HCN1: variants seen among roughly 807,000 people sequenced by gnomAD.
HCN1 encodes potassium/sodium hyperpolarization-activated cyclic nucleotide-gated channel 1.
Under a neutral mutation model 78.9 loss-of-function variants are expected in HCN1, and 13 were observed. That is an observed-to-expected ratio of 0.16 (90% CI 0.11 to 0.26). HCN1 has a LOEUF of 0.26. Among genes scored for constraint, HCN1 ranks in the 10% least tolerant of loss-of-function variants. The pLI is 1.00. For synonymous variants in HCN1, 552 were observed against 455.5 expected (o/e 1.21, Z -2.70); for missense variants, 810 against 1,154.3 (o/e 0.70, Z 4.32).
chr5:45,587,370 C>G (rs1371495117), intron 2 of HCN1, among the ~76,000 whole-genome samples: 3 of 151,914 alleles, frequency 2.0e-5, no homozygotes, highest in African/African-American at 7.3e-5. Context: ...TATGCAGCCA[C>G]AAAAAAGGAT....
intron 1 of HCN1, among the ~76,000 whole-genome samples, chr5:45,659,553 T>A (rs1284529849): frequency 2.1e-5 from 3 of 144,348 alleles, no homozygotes; most frequent in African/African-American, 8.0e-5. Context: ...TTGAAAACTT[T>A]GAAAAAAAAT....
intron 2 of HCN1, among the ~76,000 whole-genome samples, chr5:45,517,401 T>C (rs1742533721): frequency 6.6e-6 from 1 of 151,324 alleles, no homozygotes; most frequent in African/African-American, 2.4e-5. Context: ...TATGCATGTA[T>C]AAATATTCAT....
chr5:45,335,190 C>T (rs927275404), intron 5 of HCN1, among the ~76,000 whole-genome samples: 1 of 151,918 alleles, frequency 6.6e-6, no homozygotes, highest in Non-Finnish European at 1.5e-5. Context: ...AGGGCATTAA[C>T]CTCTTTCTTG....
chr5:45,424,456 A>T lies in HCN1; in HGVS notation c.1012-27746T>A, dbSNP rs1049066819. ...TTTCTGCAGAAAATAAGAAGATTAA[A>T]TTTATTTTTTGAGTCAGGTTACATA... On this transcript the variant is annotated intron_variant, in intron 3 of 7. Transcript: ENST00000303230. Among the ~76,000 whole-genome samples the T allele has an allele frequency of 4.6e-5, 7 of 152,178 alleles. No individual in the cohort carries two copies. In the East Asian group the frequency reaches 1.3e-3, roughly 29 times the overall value.
At position 45,261,823 on chromosome 5, in the gene HCN1, T is replaced by C. The variant is rs978193856; in HGVS notation, c.*98A>G. 1.4e-5 allele frequency: 21 copies of C among 1,455,138 alleles called. No homozygotes were observed. In the African/African-American group the frequency reaches 2.9e-4, roughly 20 times the overall value. 90.1% of individuals were successfully genotyped at this position (1,455,138 alleles called of 1,614,324 possible). On this transcript the variant is annotated 3_prime_UTR_variant, in exon 8 of 8. Coordinates refer to ENST00000303230, the MANE Select transcript of HCN1 (RefSeq NM_021072.4). ...AGCTGTCTAAAATATCTCTTCATAGTAGGCTAGAGGGATCTATCAGGAGAT... is the reference window on the plus strand; with the variant it reads ...AGCTGTCTAAAATATCTCTTCATAGCAGGCTAGAGGGATCTATCAGGAGAT...
intron 5 of HCN1, among the ~76,000 whole-genome samples, chr5:45,320,044 C>G (rs1198479591): frequency 6.6e-6 from 1 of 151,802 alleles, no homozygotes; most frequent in Non-Finnish European, 1.5e-5. Flanking sequence ...CACCATTACA[C>G]AAATGAATCA....
intron 2 of HCN1, among the ~76,000 whole-genome samples, chr5:45,573,091 C>T (rs1190224747): frequency 2.6e-5 from 4 of 152,048 alleles, no homozygotes; most frequent in African/African-American, 4.8e-5. Flanking sequence ...TAGAAACTTA[C>T]TTGTTTTAAG....
intron 3 of HCN1, among the ~76,000 whole-genome samples, chr5:45,450,307 T>C (rs182270388): frequency 1.4e-3 from 217 of 152,372 alleles, no homozygotes; most frequent in African/African-American, 5.1e-3. Context: ...CCCAATCATC[T>C]GGACCTTAAT....
At chr5:45,373,262 T>C (rs1363606949) in intron 4 of HCN1, among the ~76,000 whole-genome samples, 1 of 116,492 alleles carries the variant, frequency 8.6e-6, no homozygotes, top group Non-Finnish European at 1.6e-5. Context: ...TTTTATATTA[T>C]ATATTATATA....
intron 2 of HCN1, among the ~76,000 whole-genome samples, chr5:45,550,880 C>A (rs561278729): frequency 6.6e-6 from 1 of 151,918 alleles, no homozygotes; most frequent in Non-Finnish European, 1.5e-5. Context: ...TTAAAGTTTT[C>A]TTTAATGTAG....
chr5:45,402,023 T>G (rs907794054), intron 3 of HCN1, among the ~76,000 whole-genome samples: 1 of 152,060 alleles, frequency 6.6e-6, no homozygotes, highest in Non-Finnish European at 1.5e-5. Flanking sequence ...CGAAGTTTGA[T>G]GGGGAGTAGG....
At chr5:45,489,058 G>A (rs1342808484) in intron 2 of HCN1, among the ~76,000 whole-genome samples, 1 of 152,146 alleles carries the variant, frequency 6.6e-6, no homozygotes, top group Non-Finnish European at 1.5e-5. Context: ...GACAGGTAAG[G>A]CCTCAAGAAA....
intron 3 of HCN1, among the ~76,000 whole-genome samples, chr5:45,399,113 C>A (rs533458552): frequency 6.6e-6 from 1 of 152,338 alleles, no homozygotes; most frequent in East Asian, 1.9e-4. Context: ...TGGGTGTTCT[C>A]CCTGCCTGCA....
At chr5:45,515,892 T>C (rs1343891721) in intron 2 of HCN1, among the ~76,000 whole-genome samples, 2 of 151,956 alleles carry the variant, frequency 1.3e-5, no homozygotes, top group Non-Finnish European at 1.5e-5. Flanking sequence ...CAAAATGCTG[T>C]ATTAAATCTA....
chr5:45,408,279 CCT>C (rs1250181940), intron 3 of HCN1, among the ~76,000 whole-genome samples: 2 of 152,114 alleles, frequency 1.3e-5, no homozygotes, highest in African/African-American at 4.8e-5. Context: ...CTTACTACTC[CCT>C]GACTCACCCA....
At chr5:45,635,331 C>A (rs1043867054) in intron 2 of HCN1, among the ~76,000 whole-genome samples, 1 of 152,120 alleles carries the variant, frequency 6.6e-6, no homozygotes, top group Admixed American at 6.6e-5. Flanking sequence ...CCATTCTCAA[C>A]TCACATCTCC....
chr5:45,301,628 G>A (rs191064679), intron 6 of HCN1, among the ~76,000 whole-genome samples: 2 of 151,190 alleles, frequency 1.3e-5, no homozygotes, highest in East Asian at 3.9e-4. Flanking sequence ...AGGCTGAGGT[G>A]GGAGAATCAC....
chr5:45,486,665 C>T (rs931717691), intron 2 of HCN1, among the ~76,000 whole-genome samples: 3 of 151,906 alleles, frequency 2.0e-5, no homozygotes, highest in African/African-American at 7.3e-5. Context: ...TAAAATATAA[C>T]AATGTACTAA....
chr5:45,262,119 C>T lies in HCN1; in HGVS notation c.2475G>A (p.Thr825=). The T allele has an allele frequency of 1.9e-6, 3 of 1,612,706 alleles. No individual in the cohort carries two copies. The highest frequency in any genetic ancestry group is 2.5e-6 in the Non-Finnish European group (3 of 1,179,170). ...IPQPVTAVPG[T]GLQAGGRSTV... ...TGCTCCTGCCCCCTGCCTGAAGGCC[C>T]GTTCCGGGGACCGCCGTCACGGGTT... The change falls in exon 8 of 8, where the codon ACG becomes ACA. Residue 825 remains threonine, a synonymous_variant. Coordinates refer to ENST00000303230, the MANE Select transcript of HCN1 (RefSeq NM_021072.4).
Sources: gnomAD v4.1 joint callset for allele counts (sites outside exome capture counted in the v4.1 genomes callset) on GRCh38, gnomAD v4.1.1 for gene constraint, MANE v1.5 for transcripts, NCBI Gene and HGNC (gene_info 2026-07-23, HGNC 2026-07-21) for gene names.